Variants in NCAM2 observed in about 807,000 individuals in gnomAD.
NCAM2 encodes neural cell adhesion molecule 2.
Under a neutral mutation model 98.1 loss-of-function variants are expected in NCAM2, and 30 were observed. That is an observed-to-expected ratio of 0.31 (90% CI 0.23 to 0.41). The LOEUF (loss-of-function observed/expected upper bound fraction) is 0.41. Among genes scored for constraint, NCAM2 ranks in the 10% least tolerant of loss-of-function variants. The pLI, the probability that NCAM2 is intolerant of heterozygous loss-of-function variation, is 1.00. For synonymous variants in NCAM2, 368 were observed against 342.4 expected, an observed-to-expected ratio of 1.07 and a Z score of -0.83; for missense variants, 867 against 1,005.8, an observed-to-expected ratio of 0.86 and a Z score of 1.87.
intron 8 of NCAM2, among the ~76,000 whole-genome samples, chr21:21,364,327 G>T (rs1029824868): frequency 6.6e-6 from 1 of 151,778 alleles, no homozygotes; most frequent in Non-Finnish European, 1.5e-5. Context: ...ATCATTCAAA[G>T]CTCACAATAT....
At chr21:21,486,325 A>AAAAAAAAC (rs1569111515) in intron 15 of NCAM2, among the ~76,000 whole-genome samples, 1 of 151,108 alleles carries the variant, frequency 6.6e-6, no homozygotes, top group African/African-American at 2.4e-5. Context: ...AAAAAAAAAA[A>AAAAAAAAC]AAACTTCTGC....
chr21:21,366,812 A>G (rs1194565278), intron 8 of NCAM2, among the ~76,000 whole-genome samples: 3 of 152,010 alleles, frequency 2.0e-5, no homozygotes, highest in Non-Finnish European at 4.4e-5. Context: ...TTCCCTTCCA[A>G]TTCACACGTT....
chr21:21,379,420 G>A (rs1049776361), intron 9 of NCAM2, among the ~76,000 whole-genome samples: 3 of 151,996 alleles, frequency 2.0e-5, no homozygotes, highest in African/African-American at 4.8e-5. Flanking sequence ...TCACTAAGCA[G>A]TGCTTTAACG....
At chr21:21,472,098 A>T (rs1213426028) in intron 14 of NCAM2, among the ~76,000 whole-genome samples, 2 of 152,058 alleles carry the variant, frequency 1.3e-5, no homozygotes, top group Admixed American at 1.3e-4. Context: ...AGATTTTTAC[A>T]TGTTTCCATG....
intron 3 of NCAM2, 57 bp downstream of exon 3, chr21:21,284,457 C>T (rs547305658): frequency 8.1e-5 from 106 of 1,304,730 alleles, no homozygotes; most frequent in South Asian, 1.0e-4. Flanking sequence ...TATAAATAAC[C>T]GAAAAAATAA....
intron 5 of NCAM2, among the ~76,000 whole-genome samples, chr21:21,324,081 A>G (rs1209319190): frequency 6.6e-6 from 1 of 152,206 alleles, no homozygotes; most frequent in Non-Finnish European, 1.5e-5. Flanking sequence ...AAATAGCTTT[A>G]CAATGAATTG....
chr21:21,421,386 AT>A (rs5842922), intron 11 of NCAM2, among the ~76,000 whole-genome samples: 2 of 151,854 alleles, frequency 1.3e-5, no homozygotes, highest in African/African-American at 4.8e-5. Flanking sequence ...AATATTGGAA[AT>A]TTTTTGAATA....
At chr21:21,044,035 T>C (rs1043446644) in intron 1 of NCAM2, among the ~76,000 whole-genome samples, 3 of 150,094 alleles carry the variant, frequency 2.0e-5, no homozygotes, top group African/African-American at 7.3e-5. Context: ...TTTGAAGACT[T>C]TGTGTGTGTG....
intron 11 of NCAM2, among the ~76,000 whole-genome samples, chr21:21,423,165 G>A (rs969691765): frequency 1.3e-5 from 2 of 152,024 alleles, no homozygotes; most frequent in Non-Finnish European, 2.9e-5. Context: ...AATTGATGCA[G>A]GTTTCTGATA....
At chr21:21,106,314 C>CAAAAAAAAAAAAAAAAAAAAAAAAAAA (rs202018731) in intron 1 of NCAM2, among the ~76,000 whole-genome samples, 24 of 103,470 alleles carry the variant, frequency 2.3e-4, no homozygotes, top group East Asian at 6.4e-4. Flanking sequence ...GTCTCAAAAG[C>CAAAAAAAAAAAAAAAAAAAAAAAAAAA]AAAAAAAAAA....
intron 10 of NCAM2, among the ~76,000 whole-genome samples, chr21:21,417,023 A>C (rs2077008350): frequency 6.6e-6 from 1 of 152,124 alleles, no homozygotes; most frequent in Admixed American, 6.5e-5. Flanking sequence ...CCCAGGAACA[A>C]CAACAAAAAA....
At position 20,999,078 on chromosome 21, in the gene NCAM2, A is replaced by T. The variant is rs555759419; in HGVS notation, c.55+460A>T. Among the ~76,000 whole-genome samples the T allele has an allele frequency of 3.2e-4, 48 of 151,068 alleles. 1 individual carries two copies. The highest frequency in any genetic ancestry group is 6.3e-4 in the Non-Finnish European group (43 of 67,810). On this transcript the variant is annotated intron_variant, in intron 1 of 17. Coordinates refer to ENST00000400546, the MANE Select transcript of NCAM2 (RefSeq NM_004540.5). The stretch of plus-strand genomic sequence containing the variant: ...TGTGCAAGACGTTCGATTCTTGGAG[A>T]CTCTTTTTTTTTTCCACCCCTTTCC...
chr21:21,185,428 C>T (rs531894504), intron 1 of NCAM2, among the ~76,000 whole-genome samples: 52 of 152,254 alleles, frequency 3.4e-4, no homozygotes, highest in Non-Finnish European at 3.5e-4. Context: ...TCCTGTCTAG[C>T]ATGACTTTTG....
intron 11 of NCAM2, among the ~76,000 whole-genome samples, chr21:21,431,046 CAAAAAA>C (rs34613152): frequency 4.7e-5 from 3 of 64,060 alleles, no homozygotes; most frequent in Admixed American, 4.2e-4. Flanking sequence ...AACTCCGTCT[CAAAAAA>C]AAAAAAAAAA....
intron 1 of NCAM2, among the ~76,000 whole-genome samples, chr21:21,008,709 A>G (rs1294097256): frequency 1.3e-5 from 2 of 152,128 alleles, no homozygotes; most frequent in Non-Finnish European, 2.9e-5. Context: ...TAATATCATT[A>G]TGTTCTTCAG....
chr21:21,434,095 T>A (rs1035665081), intron 12 of NCAM2, among the ~76,000 whole-genome samples: 1 of 152,174 alleles, frequency 6.6e-6, no homozygotes, highest in Admixed American at 6.5e-5. Context: ...ATCCTGACAT[T>A]TTATCTTACC....
At chr21:21,462,246 A>G (rs1983075036) in intron 12 of NCAM2, among the ~76,000 whole-genome samples, 1 of 152,060 alleles carries the variant, frequency 6.6e-6, no homozygotes, top group Non-Finnish European at 1.5e-5. Flanking sequence ...TAAGTGATAA[A>G]GCAGTTCTAC....
chr21:21,431,483 A>G (rs2077342878), intron 11 of NCAM2, among the ~76,000 whole-genome samples: 1 of 152,288 alleles, frequency 6.6e-6, no homozygotes, highest in Middle Eastern at 3.4e-3. Flanking sequence ...GAAGAATTTT[A>G]TAGCTATTTT....
At chr21:21,467,412 GTA>G in intron 13 of NCAM2, among the ~76,000 whole-genome samples, 1 of 41,448 alleles carries the variant, frequency 2.4e-5, no homozygotes, top group South Asian at 5.0e-4. Flanking sequence ...TTGTATATGT[GTA>G]TATATATATC....
Sources: allele counts gnomAD v4.1 joint callset (sites outside exome capture counted in the v4.1 genomes callset), GRCh38; gene constraint gnomAD v4.1.1; transcripts MANE v1.5; gene names NCBI Gene and HGNC (gene_info 2026-07-23, HGNC 2026-07-21).